The following BMAL2 variants were observed in gnomAD, a reference collection of about 807,000 sequenced individuals.
BMAL2 encodes basic helix-loop-helix ARNT like 2, also known as basic helix-loop-helix ARNT-like protein 2.
the BMAL2 span, among the ~76,000 whole-genome samples, chr12:27,342,919 T>G: frequency 6.6e-6 from 1 of 152,220 alleles, no homozygotes; most frequent in African/African-American, 2.4e-5. Context: ...TATCACTTCC[T>G]TTCAACAATA....
At chr12:27,353,388 A>G in the BMAL2 span, among the ~76,000 whole-genome samples, 4 of 152,228 alleles carry the variant, frequency 2.6e-5, no homozygotes, top group African/African-American at 9.6e-5. Context: ...AGAAGATTGA[A>G]AGTGGACCAC....
the BMAL2 span, chr12:27,423,638 CT>C: frequency 5.3e-5 from 8 of 152,278 alleles, no homozygotes; most frequent in African/African-American, 1.4e-4. Context: ...CTACTCTACA[CT>C]TTTTTTAACC....
chr12:27,374,907 T>C, the BMAL2 span, among the ~76,000 whole-genome samples: 1 of 152,202 alleles, frequency 6.6e-6, no homozygotes, highest in Non-Finnish European at 1.5e-5. Context: ...GTACCATAAA[T>C]ATAAAAGCTC....
At chr12:27,390,263 A>T in the BMAL2 span, 1 of 1,607,338 alleles carries the variant, frequency 6.2e-7, no homozygotes. Context: ...ATGTCAAGTG[A>T]TGCAAAGCAT....
chr12:27,356,903 C>T, the BMAL2 span, among the ~76,000 whole-genome samples: 554 of 151,852 alleles, frequency 3.6e-3, no homozygotes, highest in African/African-American at 0.013. Context: ...TATCCCTCAC[C>T]CCCCCACCCT....
chr12:27,343,043 G>C, the BMAL2 span, among the ~76,000 whole-genome samples: 8 of 152,296 alleles, frequency 5.3e-5, no homozygotes, highest in African/African-American at 1.9e-4. Flanking sequence ...TTTAGCAAAA[G>C]GTTTAGAAAT....
the BMAL2 span, among the ~76,000 whole-genome samples, chr12:27,388,346 G>GT: frequency 2.6e-5 from 4 of 151,948 alleles, no homozygotes; most frequent in Admixed American, 6.6e-5. Context: ...TAACCACACA[G>GT]TTTTTTTTAG....
chr12:27,379,131 T>A, the BMAL2 span, among the ~76,000 whole-genome samples: 1 of 152,162 alleles, frequency 6.6e-6, no homozygotes, highest in Non-Finnish European at 1.5e-5. Context: ...AAGCTTAGTC[T>A]AGATTGAGTC....
chr12:27,420,675 C>A, the BMAL2 span: 1 of 977,964 alleles, frequency 1.0e-6, no homozygotes, highest in Non-Finnish European at 1.4e-6. Flanking sequence ...TTTGCATCTT[C>A]CTGTCACAGG....
chr12:27,381,278 C>T, the BMAL2 span, among the ~76,000 whole-genome samples: 1 of 152,130 alleles, frequency 6.6e-6, no homozygotes, highest in African/African-American at 2.4e-5. Flanking sequence ...TATATGTGTA[C>T]CTGTGTATTA....
At chr12:27,365,365 ATTTTG>A in the BMAL2 span, among the ~76,000 whole-genome samples, 1 of 151,990 alleles carries the variant, frequency 6.6e-6, no homozygotes, top group Non-Finnish European at 1.5e-5. Context: ...TCATTTCTGA[ATTTTG>A]TTTGATAATG....
the BMAL2 span, among the ~76,000 whole-genome samples, chr12:27,362,557 A>G: frequency 6.6e-6 from 1 of 152,140 alleles, no homozygotes; most frequent in Non-Finnish European, 1.5e-5. Context: ...TGTGTCCCTC[A>G]TGGTCACACC....
At chr12:27,390,889 C>T in the BMAL2 span, among the ~76,000 whole-genome samples, 1 of 152,022 alleles carries the variant, frequency 6.6e-6, no homozygotes, top group African/African-American at 2.4e-5. Flanking sequence ...TGGGATTTGC[C>T]TTCCTATCCT....
the BMAL2 span, among the ~76,000 whole-genome samples, chr12:27,355,643 C>T: frequency 6.6e-6 from 1 of 152,202 alleles, no homozygotes; most frequent in Non-Finnish European, 1.5e-5. Flanking sequence ...CAACCCAAAA[C>T]ATCTATTTTC....
chr12:27,393,703 G>A, the BMAL2 span, among the ~76,000 whole-genome samples: 8 of 152,196 alleles, frequency 5.3e-5, no homozygotes, highest in Admixed American at 1.3e-4. Context: ...AGATGTTGGT[G>A]AATGAACAGT....
chr12:27,368,148 T>C, the BMAL2 span: 1 of 1,347,214 alleles, frequency 7.4e-7, no homozygotes, highest in Non-Finnish European at 1.0e-6. Context: ...TGGCCTTAGC[T>C]GGTATTTTTT....
chr12:27,348,932 G>A, the BMAL2 span, among the ~76,000 whole-genome samples: 4 of 152,216 alleles, frequency 2.6e-5, no homozygotes, highest in Non-Finnish European at 5.9e-5. Flanking sequence ...GCTATATAAT[G>A]TCTGAGGGGC....
chr12:27,416,987 T>C, the BMAL2 span, among the ~76,000 whole-genome samples: 1 of 152,198 alleles, frequency 6.6e-6, no homozygotes, highest in African/African-American at 2.4e-5. Flanking sequence ...ATAAATGTCA[T>C]GTCTTTTTAT....
the BMAL2 span, chr12:27,376,288 C>A: frequency 6.9e-7 from 1 of 1,451,700 alleles, no homozygotes; most frequent in South Asian, 1.2e-5. Context: ...ATTTCTCTAT[C>A]AAGAACTACA....
Sources: gnomAD v4.1 joint callset for allele counts (sites outside exome capture counted in the v4.1 genomes callset) on GRCh38, gnomAD v4.1.1 for gene constraint, MANE v1.5 for transcripts, NCBI Gene and HGNC (gene_info 2026-07-23, HGNC 2026-07-21) for gene names.